The following MBD2 variants were observed in gnomAD, a reference collection of about 807,000 sequenced individuals.
The protein encoded by MBD2 is methyl-CpG-binding domain protein 2.
A neutral mutation model predicts 39.3 loss-of-function variants in MBD2; 9 were observed. That is an observed-to-expected ratio of 0.23 (90% CI 0.14 to 0.40). The LOEUF (loss-of-function observed/expected upper bound fraction) is 0.40, where lower values mean the gene tolerates loss of function less well. MBD2 is among the 10% of genes least tolerant of loss of function. The probability of loss-of-function intolerance (pLI) is 1.00; values close to 1 mark genes in which losing one functional copy is unlikely to be tolerated. For synonymous variants in MBD2, 233 were observed against 211.1 expected, an observed-to-expected ratio of 1.10 and a Z score of -0.90; for missense variants, 458 against 532.6, an observed-to-expected ratio of 0.86 and a Z score of 1.38.
intron 3 of MBD2, among the ~76,000 whole-genome samples, chr18:54,186,267 GA>G (rs1400666555): frequency 6.6e-6 from 1 of 152,050 alleles, no homozygotes; most frequent in African/African-American, 2.4e-5. Context: ...CTCAAAAATA[GA>G]AACCTCATTG....
intron 1 of MBD2, among the ~76,000 whole-genome samples, chr18:54,216,609 C>T (rs987169451): frequency 6.6e-6 from 1 of 152,120 alleles, no homozygotes; most frequent in Admixed American, 6.6e-5. Flanking sequence ...ATAGGAGTTT[C>T]CCATTTCTGC....
At chr18:54,195,573 T>C (rs1208407919) in intron 2 of MBD2, among the ~76,000 whole-genome samples, 3 of 152,036 alleles carry the variant, frequency 2.0e-5, no homozygotes, top group Non-Finnish European at 2.9e-5. Context: ...TGGATAAAAT[T>C]CTTATAAAAA....
chr18:54,189,137 T>G (rs903185321), intron 2 of MBD2, 126 bp from the exon 3 acceptor site: 7 of 572,674 alleles, frequency 1.2e-5, no homozygotes, highest in Non-Finnish European at 1.7e-5. Flanking sequence ...TCGCAGCATT[T>G]TAAATACTCT....
intron 2 of MBD2, among the ~76,000 whole-genome samples, chr18:54,201,907 T>C (rs956097301): frequency 9.9e-5 from 15 of 151,760 alleles, no homozygotes; most frequent in South Asian, 2.1e-4. Flanking sequence ...CCTAAAGATA[T>C]TATTCATCAC....
chr18:54,211,212 C>T (rs774105207), intron 1 of MBD2, among the ~76,000 whole-genome samples: 1 of 152,056 alleles, frequency 6.6e-6, no homozygotes, highest in Non-Finnish European at 1.5e-5. Flanking sequence ...TTAACACTTA[C>T]TTCTCACTTA....
chr18:54,184,132 A>C (rs1412938112), intron 3 of MBD2, among the ~76,000 whole-genome samples: 8 of 151,900 alleles, frequency 5.3e-5, no homozygotes, highest in Admixed American at 4.6e-4. Context: ...ACTTCCCCCC[A>C]CCCAAAAAAA....
chr18:54,166,469 T>C (rs868822150), intron 3 of MBD2, among the ~76,000 whole-genome samples: 18 of 152,158 alleles, frequency 1.2e-4, no homozygotes, highest in African/African-American at 4.3e-4. Context: ...AAGAAAATAA[T>C]TTGAATTTTT....
chr18:54,212,892 C>T (rs1016486698), intron 1 of MBD2, among the ~76,000 whole-genome samples: 1 of 151,510 alleles, frequency 6.6e-6, no homozygotes, highest in Non-Finnish European at 1.5e-5. Context: ...ATTAGCCGAG[C>T]ATGGTGGCAC....
At chr18:54,211,938 C>T (rs2086511525) in intron 1 of MBD2, among the ~76,000 whole-genome samples, 1 of 152,070 alleles carries the variant, frequency 6.6e-6, no homozygotes, top group Admixed American at 6.6e-5. Context: ...TCACTGCAAC[C>T]TCCGTCTCCT....
chr18:54,184,950 A>G (rs1272514774), intron 3 of MBD2, among the ~76,000 whole-genome samples: 1 of 152,216 alleles, frequency 6.6e-6, no homozygotes, highest in East Asian at 1.9e-4. Context: ...ACTCTGCTTT[A>G]GCTTATCTAT....
intron 2 of MBD2, among the ~76,000 whole-genome samples, chr18:54,190,880 C>T (rs1027205322): frequency 9.2e-5 from 14 of 152,120 alleles, no homozygotes; most frequent in African/African-American, 2.7e-4. Flanking sequence ...ATAAAATCTA[C>T]GATGTGTTCC....
intron 1 of MBD2, among the ~76,000 whole-genome samples, chr18:54,221,174 G>A (rs1041669903): frequency 2.6e-5 from 4 of 152,062 alleles, no homozygotes; most frequent in East Asian, 3.8e-4. Flanking sequence ...TGATCATATC[G>A]GGGCCGGGCG....
At chr18:54,169,980 G>A (rs1309145732) in intron 3 of MBD2, among the ~76,000 whole-genome samples, 1 of 152,142 alleles carries the variant, frequency 6.6e-6, no homozygotes, top group East Asian at 1.9e-4. Flanking sequence ...AACACTAATG[G>A]TCTGGGCAAT....
chr18:54,221,755 C>G (rs1363082765), intron 1 of MBD2, among the ~76,000 whole-genome samples: 2 of 152,148 alleles, frequency 1.3e-5, no homozygotes, highest in Non-Finnish European at 2.9e-5. Flanking sequence ...GGCGACAGAG[C>G]TAGACTCCAT....
Position 54,202,204 on chromosome 18 carries a change from G to A in MBD2, c.702+2794C>T, listed in dbSNP as rs7239431. 7.2e-3 allele frequency among the ~76,000 whole-genome samples: 1,088 copies of A among 152,092 alleles called. 8 individuals carry two copies. Among genetic ancestry groups the A allele is most frequent in the African/African-American group, 0.024 (983 of 41,492 alleles). On this transcript the variant is annotated intron_variant, in intron 2 of 6. Coordinates refer to ENST00000256429, the MANE Select transcript of MBD2 (RefSeq NM_003927.5). ...CTAAAAATACAAAAATTAGCTAGGC[G>A]TGGTGGTGGGTGCCTGTAATCCCAG... is the stretch of plus-strand genomic sequence containing the variant.
intron 2 of MBD2, among the ~76,000 whole-genome samples, chr18:54,201,529 T>A (rs776942956): frequency 6.6e-6 from 1 of 152,006 alleles, no homozygotes; most frequent in African/African-American, 2.4e-5. Flanking sequence ...TACCCACCCA[T>A]CCTAAAATAA....
At chr18:54,218,944 AAAGT>A (rs776909559) in intron 1 of MBD2, among the ~76,000 whole-genome samples, 7 of 151,494 alleles carry the variant, frequency 4.6e-5, no homozygotes, top group East Asian at 1.9e-4. Flanking sequence ...CCTAGGTGAC[AAAGT>A]AAGACTCCGT....
intron 4 of MBD2, 42 bp from the exon 5 acceptor site, chr18:54,164,742 T>C (rs1324033865): frequency 6.5e-7 from 1 of 1,531,206 alleles, no homozygotes; most frequent in Non-Finnish European, 9.0e-7. Flanking sequence ...AATGTCTCAA[T>C]GTGCTGAGCA....
intron 2 of MBD2, among the ~76,000 whole-genome samples, chr18:54,190,809 CTT>C (rs1484977566): frequency 6.6e-6 from 1 of 152,104 alleles, no homozygotes; most frequent in African/African-American, 2.4e-5. Context: ...TTAAAGGAGA[CTT>C]AACACTGAAG....
Sources: allele counts gnomAD v4.1 joint callset (sites outside exome capture counted in the v4.1 genomes callset), GRCh38; gene constraint gnomAD v4.1.1; transcripts MANE v1.5; gene names NCBI Gene and HGNC (gene_info 2026-07-23, HGNC 2026-07-21).